Variants in C3orf49 observed in about 807,000 individuals in gnomAD.
The protein encoded by C3orf49 is chromosome 3 open reading frame 49, also known as putative uncharacterized protein C3orf49.
In C3orf49, 27 loss-of-function variants were observed where a neutral mutation model predicts 13.3. The observed-to-expected ratio is 2.02, with a 90% CI of 1.49 to 2.79. The LOEUF is 2.79. Among genes scored for constraint, C3orf49 ranks in the 30% most tolerant of loss-of-function variants. The probability of loss-of-function intolerance (pLI) is 0.00; values close to 1 mark genes in which losing one functional copy is unlikely to be tolerated. For missense variants in C3orf49, 242 were observed against 134.2 expected, an observed-to-expected ratio of 1.80 and a Z score of -3.97; for synonymous variants, 87 against 47.6, an observed-to-expected ratio of 1.83 and a Z score of -3.40.
At chr3:63,834,302 A>C in intron 5 of C3orf49, 1 of 1,104,854 alleles carries the variant, frequency 9.1e-7, no homozygotes, top group South Asian at 1.4e-5. Context: ...CAATACAATT[A>C]AAGCTAAGAT....
intron 5 of C3orf49, chr3:63,835,099 C>G (rs1291373310): frequency 1.3e-6 from 2 of 1,552,472 alleles, no homozygotes; most frequent in African/African-American, 1.4e-5. Context: ...AGGTACATCC[C>G]TGGGTCATTT....
the C3orf49 span, among the ~76,000 whole-genome samples, chr3:63,809,235 A>G: frequency 6.6e-6 from 1 of 152,208 alleles, no homozygotes; most frequent in East Asian, 1.9e-4. Context: ...TGAAACAGGC[A>G]AGGAAACAGA....
In C3orf49 at chr3:63,819,530, G is replaced by A. The variant is rs1427921865; in HGVS notation, c.59G>A (p.Gly20Glu). ...EPFKIAYRKV[G>E]QCRRFQQLKK... ...TTTAAGATTGCCTACAGAAAAGTTG[G>A]ACAGTGCCGAAGATTCCAGCAACTC... The change falls in exon 1 of 7, where the codon GGA becomes GAA. Residue 20 changes from glycine to glutamate, a missense_variant. Gly to Glu is a moderately conservative substitution (Grantham distance 98). Coordinates refer to ENST00000295896, the MANE Select transcript of C3orf49 (RefSeq NM_001355236.2). 1.4e-6 allele frequency: 1 copy of A among 703,190 alleles called. No homozygotes were observed. The highest frequency in any genetic ancestry group is 1.7e-5 in the African/African-American group (1 of 57,346). 43.6% of individuals were successfully genotyped at this position (703,190 alleles called of 1,614,324 possible). A position where few individuals can be genotyped will look rare whatever the true frequency, so the allele number is the denominator to read the frequency against.
chr3:63,780,733 T>A, the C3orf49 span, among the ~76,000 whole-genome samples: 2 of 152,244 alleles, frequency 1.3e-5, no homozygotes, highest in Non-Finnish European at 2.9e-5. Flanking sequence ...ATTTCTCTGG[T>A]GGCCAGTGAT....
chr3:63,827,517 C>T, intron 2 of C3orf49, 84 bp from the exon 3 acceptor site: 1 of 610,796 alleles, frequency 1.6e-6, no homozygotes, highest in Non-Finnish European at 2.9e-6. Flanking sequence ...GTGATGCTGT[C>T]TTCTAAGAAT....
At chr3:63,841,482 A>G (rs1226326056) in intron 5 of C3orf49, among the ~76,000 whole-genome samples, 3 of 152,210 alleles carry the variant, frequency 2.0e-5, no homozygotes, top group Non-Finnish European at 4.4e-5. Context: ...ATCTTTAAAC[A>G]ATAGTTCCTG....
the C3orf49 span, among the ~76,000 whole-genome samples, chr3:63,785,569 T>A: frequency 6.6e-6 from 1 of 152,066 alleles, no homozygotes; most frequent in Admixed American, 6.5e-5. Context: ...ACTACAAAAA[T>A]AAAAATAATA....
chr3:63,791,114 C>G, the C3orf49 span, among the ~76,000 whole-genome samples: 1 of 152,134 alleles, frequency 6.6e-6, no homozygotes, highest in Non-Finnish European at 1.5e-5. Context: ...GCCCTCTCTT[C>G]TGGGTGATGG....
chr3:63,846,111 G>T, intron 6 of C3orf49: 1 of 380,464 alleles, frequency 2.6e-6, no homozygotes, highest in African/African-American at 2.1e-5. Context: ...TACCAAGGAT[G>T]GTAAAACTGA....
chr3:63,822,542 G>A (rs11914872), intron 1 of C3orf49, among the ~76,000 whole-genome samples: 47 of 152,186 alleles, frequency 3.1e-4, no homozygotes, highest in African/African-American at 1.0e-3. Flanking sequence ...CATGTGTGAA[G>A]TAGAGATGAG....
intron 5 of C3orf49, among the ~76,000 whole-genome samples, chr3:63,837,430 A>G (rs987841479): frequency 6.6e-6 from 1 of 152,082 alleles, no homozygotes; most frequent in African/African-American, 2.4e-5. Flanking sequence ...TAGGAACTAC[A>G]TAAGGGTATA....
the C3orf49 span, among the ~76,000 whole-genome samples, chr3:63,813,131 C>A: frequency 2.0e-5 from 3 of 152,224 alleles, no homozygotes; most frequent in African/African-American, 7.2e-5. Flanking sequence ...GGCTCCAATA[C>A]CCATAGTATG....
the C3orf49 span, among the ~76,000 whole-genome samples, chr3:63,803,394 C>G: frequency 6.6e-6 from 1 of 152,298 alleles, no homozygotes; most frequent in Non-Finnish European, 1.5e-5. Flanking sequence ...GAGAAATCCT[C>G]TTGCTCTCCT....
chr3:63,811,333 C>T, the C3orf49 span, among the ~76,000 whole-genome samples: 3 of 151,230 alleles, frequency 2.0e-5, no homozygotes, highest in Non-Finnish European at 2.9e-5. Flanking sequence ...CCGAGGCGAG[C>T]GGATCACGAG....
chr3:63,836,303 T>C (rs1559602071), intron 5 of C3orf49: 7 of 1,612,524 alleles, frequency 4.3e-6, no homozygotes, highest in Non-Finnish European at 5.9e-6. Context: ...ACACTTACTT[T>C]AATGTCTCAT....
chr3:63,811,483 G>A, the C3orf49 span, among the ~76,000 whole-genome samples: 2 of 151,698 alleles, frequency 1.3e-5, no homozygotes, highest in Admixed American at 6.6e-5. Flanking sequence ...GTGTGAACTC[G>A]GGAGGCGGAG....
At position 63,848,573 on chromosome 3, in the gene C3orf49, T is replaced by C. The variant is rs559807800; in HGVS notation, c.*240T>C. 1 of 152,318 alleles carries C rather than the reference T, an allele frequency of 6.6e-6. No individual in the cohort carries two copies. The highest frequency in any genetic ancestry group is 2.1e-4 in the South Asian group (1 of 4,824). The allele number at this position is 152,318 out of a possible 1,614,324, so 9.4% of individuals were successfully genotyped here. A position where few individuals can be genotyped will look rare whatever the true frequency, so the allele number is the denominator to read the frequency against. Reference sequence around the variant, plus strand: ...GTAATTCAACCACCTTCGGCACATCTCAGGACCTCCTGATGCTGTGGCATG... The same window carrying C: ...GTAATTCAACCACCTTCGGCACATCCCAGGACCTCCTGATGCTGTGGCATG... On this transcript the variant is annotated 3_prime_UTR_variant, in exon 7 of 7. Coordinates refer to ENST00000295896, the MANE Select transcript of C3orf49 (RefSeq NM_001355236.2).
the C3orf49 span, among the ~76,000 whole-genome samples, chr3:63,796,139 A>G: frequency 6.6e-6 from 1 of 152,100 alleles, no homozygotes; most frequent in Non-Finnish European, 1.5e-5. Context: ...TGGTATATTT[A>G]AAATTTTCTA....
At chr3:63,837,516 A>G (rs931473091) in intron 5 of C3orf49, among the ~76,000 whole-genome samples, 2 of 152,020 alleles carry the variant, frequency 1.3e-5, no homozygotes, top group African/African-American at 4.8e-5. Flanking sequence ...CAGTCTAGAA[A>G]TGTTTGCTTG....
Sources: gnomAD v4.1 joint callset for allele counts (sites outside exome capture counted in the v4.1 genomes callset) on GRCh38, gnomAD v4.1.1 for gene constraint, MANE v1.5 for transcripts, NCBI Gene and HGNC (gene_info 2026-07-23, HGNC 2026-07-21) for gene names.